PLAA: variants seen among roughly 807,000 people sequenced by gnomAD.
The protein encoded by PLAA is phospholipase A-2-activating protein.
Under a neutral mutation model 84.1 loss-of-function variants are expected in PLAA, and 48 were observed. The observed-to-expected ratio is 0.57, with a 90% confidence interval of 0.45 to 0.73. The LOEUF (loss-of-function observed/expected upper bound fraction) is 0.73, where lower values mean the gene tolerates loss of function less well. Among genes scored for constraint, PLAA ranks in the 30% least tolerant of loss-of-function variants. The pLI is 0.00. For missense variants in PLAA, 903 were observed against 954.7 expected, an observed-to-expected ratio of 0.95 and a Z score of 0.71; for synonymous variants, 392 against 336.6, an observed-to-expected ratio of 1.16 and a Z score of -1.80.
At chr9:26,910,952 A>G (rs2131367860) in intron 11 of PLAA, among the ~76,000 whole-genome samples, 1 of 152,274 alleles carries the variant, frequency 6.6e-6, no homozygotes, top group Admixed American at 6.5e-5. Flanking sequence ...CTTATTCCAA[A>G]GGATGTAGTA....
chr9:26,915,933 A>G (rs1824539300), intron 10 of PLAA: 1 of 985,438 alleles, frequency 1.0e-6, no homozygotes, highest in Non-Finnish European at 1.2e-6. Flanking sequence ...GATAGAGAGA[A>G]AGCCATCTTA....
In PLAA at chr9:26,928,174, C is replaced by T. The variant is rs1425927279; in HGVS notation, c.491G>A (p.Gly164Asp). The T allele has an allele frequency of 1.2e-6, 2 of 1,614,178 alleles. No homozygotes were observed. Among genetic ancestry groups the T allele is most frequent in the Non-Finnish European group, 8.5e-7 (1 of 1,180,024 alleles). The stretch of plus-strand genomic sequence containing the variant: ...GTCTGCTGATCCAGTCAACATTAAG[C>T]CCTGTTCAGGTAAGATCTTTACCGC... ...VWAVKILPEQ[G>D]LMLTGSADKT... The change falls in exon 4 of 14, where the codon GGC becomes GAC. Residue 164 changes from glycine to aspartate, a missense_variant. Physicochemically the swap from Gly to Asp is moderately conservative, Grantham distance 94 (BLOSUM62 -1). Coordinates refer to ENST00000397292, the MANE Select transcript of PLAA (RefSeq NM_001031689.3).
Position 26,947,154 on chromosome 9 carries a change from G to A in PLAA, c.-109C>T. 3.1e-6 allele frequency: 4 copies of A among 1,303,454 alleles called. No individual in the cohort carries two copies. The highest frequency in any genetic ancestry group is 3.3e-5 in the South Asian group (2 of 61,290). The allele number at this position is 1,303,454 out of a possible 1,614,324, so 80.7% of individuals were successfully genotyped here. On this transcript the variant is annotated 5_prime_UTR_variant, in exon 1 of 14. Coordinates refer to ENST00000397292, the MANE Select transcript of PLAA (RefSeq NM_001031689.3). ...CGGGAGAAGAGCCTGCAGGTAAGGGGCGGCCGGAGACCGGAAGAGCCCGAG... is the reference window on the plus strand; with the variant it reads ...CGGGAGAAGAGCCTGCAGGTAAGGGACGGCCGGAGACCGGAAGAGCCCGAG...
At chr9:26,945,081 T>C (rs1424233725) in intron 1 of PLAA, among the ~76,000 whole-genome samples, 1 of 152,054 alleles carries the variant, frequency 6.6e-6, no homozygotes, top group African/African-American at 2.4e-5. Context: ...GAGCCAAGAT[T>C]GTGCCATTGC....
At chr9:26,914,169 T>C (rs1255435304) in intron 10 of PLAA, among the ~76,000 whole-genome samples, 6 of 152,204 alleles carry the variant, frequency 3.9e-5, no homozygotes, top group Non-Finnish European at 1.5e-5. Flanking sequence ...TATATTATAA[T>C]TGTAGAAGTT....
At chr9:26,925,760 T>C in intron 6 of PLAA, 65 bp downstream of exon 6, 1 of 1,432,882 alleles carries the variant, frequency 7.0e-7, no homozygotes, top group Non-Finnish European at 9.7e-7. Context: ...CTTATCTCTG[T>C]ACACTCTAGT....
intron 7 of PLAA, among the ~76,000 whole-genome samples, chr9:26,922,743 C>T (rs578013829): frequency 3.9e-4 from 59 of 151,808 alleles, no homozygotes; most frequent in African/African-American, 1.4e-3. Flanking sequence ...GTCGGCTCAC[C>T]GCAGCCTCAA....
chr9:26,929,071 C>T (rs576221954), intron 2 of PLAA, among the ~76,000 whole-genome samples: 2 of 152,074 alleles, frequency 1.3e-5, no homozygotes, highest in South Asian at 2.1e-4. Context: ...TGGCGGTATG[C>T]GCCTGTGTTC....
chr9:26,923,585 A>G (rs1824843045), intron 6 of PLAA, among the ~76,000 whole-genome samples: 1 of 152,250 alleles, frequency 6.6e-6, no homozygotes, highest in Admixed American at 6.5e-5. Context: ...TACAATTTCC[A>G]AGTTAAATAT....
At position 26,947,214 on chromosome 9, in the gene PLAA, C is replaced by G; in HGVS notation, c.-169G>C. 2.9e-6 allele frequency: 2 copies of G among 694,760 alleles called. No homozygotes were observed. Among genetic ancestry groups the G allele is most frequent in the Non-Finnish European group, 4.5e-6 (2 of 442,708 alleles). 43.0% of individuals were successfully genotyped at this position (694,760 alleles called of 1,614,324 possible). A position where few individuals can be genotyped will look rare whatever the true frequency, so the allele number is the denominator to read the frequency against. ...GGAAGGGCGGCTGGGAAGGGGCGCG[C>G]CGAGCGGGCCGAGTGACACAGCAAG... On this transcript the variant is annotated 5_prime_UTR_variant, in exon 1 of 14. Coordinates refer to ENST00000397292, the MANE Select transcript of PLAA (RefSeq NM_001031689.3).
In PLAA at chr9:26,910,352, G is replaced by C; in HGVS notation, c.1643C>G (p.Pro548Arg). 1 of 1,608,956 alleles carries C rather than the reference G, an allele frequency of 6.2e-7. No homozygotes were observed. Among genetic ancestry groups the C allele is most frequent in the South Asian group, 1.1e-5 (1 of 90,964 alleles). ...AAGAAACTTACCTAATATTTGTGTA[G>C]GGTTTGCTTGGTCAAATGTGACAGC... ...KEAVTFDQAN[P>R]TQILGKLKEL... Residue 548 changes from proline (P) to arginine (R), a missense_variant, in exon 12 of 14, where the codon CCT (proline) becomes CGT (arginine). By Grantham distance (103) the Pro-to-Arg change is moderately radical (BLOSUM62 -2). Transcript: ENST00000397292.
intron 2 of PLAA, among the ~76,000 whole-genome samples, chr9:26,932,689 A>G (rs1308372224): frequency 9.2e-5 from 14 of 152,348 alleles, no homozygotes; most frequent in African/African-American, 3.4e-4. Flanking sequence ...AAAATGATGT[A>G]GTGGAAGGAG....
rs2131392564 is a variant in PLAA, at chr9:26,925,955, C to T, written c.739G>A (p.Val247Met). ...AGAGATCTGTCCTCTGCTGTTGTCA[C>T]AAAGTCTAAAATTAATGAATATAGG... is the stretch of plus-strand genomic sequence containing the variant. ...ISVFPNCRDF[V>M]TTAEDRSLRI... The change falls in exon 6 of 14, where the codon GTG (valine) becomes ATG (methionine). Residue 247 changes from valine (V) to methionine (M), a missense_variant. Transcript: ENST00000397292. The T allele has an allele frequency of 1.9e-6, 3 of 1,612,242 alleles. No individual in the cohort carries two copies. Among genetic ancestry groups the T allele is most frequent in the Non-Finnish European group, 2.5e-6 (3 of 1,178,450 alleles).
intron 4 of PLAA, among the ~76,000 whole-genome samples, chr9:26,927,120 TG>T (rs1280709696): frequency 7.1e-6 from 1 of 140,878 alleles, no homozygotes; most frequent in African/African-American, 2.8e-5. Context: ...ATACTTTTTT[TG>T]TTTTTCTTTT....
intron 7 of PLAA, among the ~76,000 whole-genome samples, chr9:26,921,038 G>A (rs1344749303): frequency 6.6e-6 from 1 of 151,994 alleles, no homozygotes; most frequent in African/African-American, 2.4e-5. Flanking sequence ...CTTGGTAAAA[G>A]CCTAAACTCT....
At chr9:26,923,620 A>C (rs1824844647) in intron 6 of PLAA, among the ~76,000 whole-genome samples, 1 of 152,232 alleles carries the variant, frequency 6.6e-6, no homozygotes, top group Non-Finnish European at 1.5e-5. Flanking sequence ...ATCTAGAGCT[A>C]TAGTATGTAC....
At chr9:26,933,903 G>C (rs993461217) in intron 2 of PLAA, among the ~76,000 whole-genome samples, 40 of 152,170 alleles carry the variant, frequency 2.6e-4, no homozygotes, top group African/African-American at 8.7e-4. Flanking sequence ...CCAACTCCTG[G>C]GCTAAAGCAA....
intron 2 of PLAA, among the ~76,000 whole-genome samples, chr9:26,932,160 C>T (rs1286425648): frequency 6.6e-6 from 1 of 152,082 alleles, no homozygotes; most frequent in Non-Finnish European, 1.5e-5. Flanking sequence ...TTCAAATGAA[C>T]TGTAAAAAAA....
chr9:26,919,936 G>C (rs1824702709), intron 8 of PLAA, among the ~76,000 whole-genome samples: 1 of 152,168 alleles, frequency 6.6e-6, no homozygotes, highest in African/African-American at 2.4e-5. Flanking sequence ...TGAGGCATTT[G>C]ATGAAAGGTG....
Sources: gnomAD v4.1 joint callset for allele counts (sites outside exome capture counted in the v4.1 genomes callset) on GRCh38, gnomAD v4.1.1 for gene constraint, MANE v1.5 for transcripts, NCBI Gene and HGNC (gene_info 2026-07-23, HGNC 2026-07-21) for gene names.